Variants in DACH2 observed in about 807,000 individuals in gnomAD.
DACH2 encodes the protein dachshund family transcription factor 2.
DACH2 carries 17 observed loss-of-function variants against 35.8 expected under a neutral mutation model. That is an observed-to-expected ratio of 0.48 (90% CI 0.33 to 0.71). The LOEUF is 0.71. DACH2 is among the 30% of genes least tolerant of loss of function. The probability of loss-of-function intolerance (pLI) is 0.02; values close to 1 mark genes in which losing one functional copy is unlikely to be tolerated. For synonymous variants in DACH2, 195 were observed against 177.3 expected (o/e 1.10, Z -0.79); for missense variants, 469 against 472.7 (o/e 0.99, Z 0.07).
intron 2 of DACH2, among the ~76,000 whole-genome samples, chrX:86,428,819 T>A (rs1367806719): frequency 9.0e-6 from 1 of 111,035 alleles, no homozygotes; most frequent in Non-Finnish European, 1.9e-5. Context: ...TGTCTGAAAC[T>A]TTACTTAGTA....
intron 3 of DACH2, among the ~76,000 whole-genome samples, chrX:86,636,329 T>C (rs1380560118): frequency 9.0e-6 from 1 of 110,944 alleles, no homozygotes; most frequent in African/African-American, 3.3e-5. Context: ...GTGCCTGTAA[T>C]CCCAGCTACT....
intron 2 of DACH2, among the ~76,000 whole-genome samples, chrX:86,400,286 T>C (rs1012015827): frequency 9.1e-6 from 1 of 109,775 alleles, no homozygotes; most frequent in African/African-American, 3.3e-5. Flanking sequence ...ATTCGTCTAG[T>C]TTTTTTTTCA....
chrX:86,480,586 A>T (rs2037922237), intron 2 of DACH2, among the ~76,000 whole-genome samples: 1 of 112,294 alleles, frequency 8.9e-6, no homozygotes, highest in African/African-American at 3.2e-5. Flanking sequence ...CTCAGAGTAC[A>T]GTATCAAGTA....
At chrX:86,433,440 C>A (rs2037016765) in intron 2 of DACH2, among the ~76,000 whole-genome samples, 1 of 111,249 alleles carries the variant, frequency 9.0e-6, no homozygotes, top group Non-Finnish European at 1.9e-5. Flanking sequence ...AAAATAATGT[C>A]CAGTTGTAAA....
intron 1 of DACH2, among the ~76,000 whole-genome samples, chrX:86,285,781 A>G (rs73631921): frequency 0.05 from 5,568 of 111,502 alleles, 361 homozygotes; most frequent in African/African-American, 0.17. Context: ...GTCTCCAATT[A>G]TTACTGTATT....
intron 7 of DACH2, among the ~76,000 whole-genome samples, chrX:86,770,119 A>C (rs1335175276): frequency 9.0e-6 from 1 of 111,512 alleles, no homozygotes; most frequent in Admixed American, 9.6e-5. Context: ...GTCACCAGAA[A>C]TTTTAAAGCG....
At chrX:86,397,999 G>A (rs1488273846) in intron 2 of DACH2, among the ~76,000 whole-genome samples, 2 of 111,506 alleles carry the variant, frequency 1.8e-5, no homozygotes, top group Non-Finnish European at 3.8e-5. Flanking sequence ...GGTAGAATTC[G>A]GCTGTGAATC....
chrX:86,695,451 C>A lies in DACH2; in HGVS notation c.931+272C>A, dbSNP rs780945811. ...GAGGTACATGGGAGGTTATGTAGCA[C>A]AGTAGTTAAGAATATTGGCTAAAGT... is the stretch of plus-strand genomic sequence containing the variant. On this transcript the variant is annotated intron_variant, in intron 5 of 11. Coordinates refer to ENST00000373125, the MANE Select transcript of DACH2 (RefSeq NM_053281.3). 3.7e-5 allele frequency among the ~76,000 whole-genome samples: 4 copies of A among 107,935 alleles called. No homozygotes were observed. The East Asian group carries it at 1.2e-3, about 32-fold the overall frequency. The allele number at this position is 107,935 out of a possible 115,157, so 93.7% of individuals were successfully genotyped here.
At chrX:86,181,561 A>G (rs928195389) in intron 1 of DACH2, among the ~76,000 whole-genome samples, 4 of 111,617 alleles carry the variant, frequency 3.6e-5, no homozygotes, top group Non-Finnish European at 7.5e-5. Flanking sequence ...TATATGTGCC[A>G]CATTTTCTTT....
intron 3 of DACH2, among the ~76,000 whole-genome samples, chrX:86,547,121 C>T (rs1227979257): frequency 3.6e-5 from 4 of 110,609 alleles, no homozygotes; most frequent in Non-Finnish European, 7.6e-5. Flanking sequence ...AACATGAAAC[C>T]CTCCAGTGCC....
At chrX:86,486,524 A>G (rs773088725) in intron 2 of DACH2, among the ~76,000 whole-genome samples, 2 of 110,985 alleles carry the variant, frequency 1.8e-5, no homozygotes, top group Non-Finnish European at 3.8e-5. Flanking sequence ...AGGATGTTTC[A>G]ATCTCCAAGG....
At chrX:86,502,785 C>A (rs1025185965) in intron 2 of DACH2, among the ~76,000 whole-genome samples, 2 of 112,102 alleles carry the variant, frequency 1.8e-5, no homozygotes, top group African/African-American at 6.5e-5. Flanking sequence ...CAACCCACAG[C>A]CCGGGGGCTG....
At chrX:86,324,045 T>A (rs908324091) in intron 1 of DACH2, among the ~76,000 whole-genome samples, 5 of 112,054 alleles carry the variant, frequency 4.5e-5, no homozygotes, top group African/African-American at 1.6e-4. Flanking sequence ...AGCAGCTTTA[T>A]TGTCTGGGGT....
At position 86,819,044 on chromosome X, in the gene DACH2, T is replaced by C. The variant is rs759578354; in HGVS notation, c.1750+2945T>C. On this transcript the variant is annotated intron_variant, in intron 11 of 11. Transcript: ENST00000373125. ...TACATAATGTATCCTATATAATGTA[T>C]TACATGTAATACATTATATGTATAT... Among the ~76,000 whole-genome samples the C allele has an allele frequency of 1.5e-3, 161 of 108,079 alleles. 1 individual carries two copies. Among genetic ancestry groups the C allele is most frequent in the Non-Finnish European group, 2.9e-3 (150 of 52,191 alleles). 93.9% of individuals were successfully genotyped at this position (108,079 alleles called of 115,157 possible). A position where few individuals can be genotyped will look rare whatever the true frequency, so the allele number is the denominator to read the frequency against.
At chrX:86,719,855 A>C (rs1444844032) in intron 6 of DACH2, among the ~76,000 whole-genome samples, 3 of 110,162 alleles carry the variant, frequency 2.7e-5, no homozygotes, top group Non-Finnish European at 3.8e-5. Flanking sequence ...CTGCCCCTCC[A>C]AAATCTCATG....
chrX:86,518,589 T>C (rs912686854), intron 3 of DACH2, among the ~76,000 whole-genome samples: 1 of 111,937 alleles, frequency 8.9e-6, no homozygotes, highest in African/African-American at 3.2e-5. Flanking sequence ...TGTTTTGTAA[T>C]TCTCATTGTA....
At chrX:86,665,789 A>G (rs1317086135) in intron 4 of DACH2, among the ~76,000 whole-genome samples, 1 of 110,575 alleles carries the variant, frequency 9.0e-6, no homozygotes, top group African/African-American at 3.3e-5. Flanking sequence ...AAAAAAACCT[A>G]CAAATCTTTT....
intron 3 of DACH2, among the ~76,000 whole-genome samples, chrX:86,553,358 G>C (rs1284436283): frequency 9.0e-6 from 1 of 111,644 alleles, no homozygotes; most frequent in Non-Finnish European, 1.9e-5. Flanking sequence ...CTTTATTCTA[G>C]CCATGCTGGC....
rs780355050 is a variant in DACH2, at chrX:86,285,810, A to G, written c.489-91014A>G. ...CTGTATTGGGGTCTCACCTCTCTTTAGCTTTAATAATATTTTCTTTATACA... is the reference window on the plus strand; with the variant it reads ...CTGTATTGGGGTCTCACCTCTCTTTGGCTTTAATAATATTTTCTTTATACA... On this transcript the variant is annotated intron_variant, in intron 1 of 11. Transcript: ENST00000373125. Among the ~76,000 whole-genome samples the G allele has an allele frequency of 1.4e-3, 158 of 111,746 alleles. 1 individual carries two copies. Among genetic ancestry groups the G allele is most frequent in the African/African-American group, 4.9e-3 (150 of 30,821 alleles).
Sources: allele counts gnomAD v4.1 joint callset (sites outside exome capture counted in the v4.1 genomes callset), GRCh38; gene constraint gnomAD v4.1.1; transcripts MANE v1.5; gene names NCBI Gene and HGNC (gene_info 2026-07-23, HGNC 2026-07-21).